Variants in CFAP299 observed in about 807,000 individuals in gnomAD.
CFAP299 encodes the protein cilia and flagella associated protein 299.
In CFAP299, 21 loss-of-function variants were observed where a neutral mutation model predicts 27.0. That is an observed-to-expected ratio of 0.78 (90% CI 0.55 to 1.12). The LOEUF (loss-of-function observed/expected upper bound fraction) is 1.12. CFAP299 is among the 50% of genes most tolerant of loss of function. CFAP299 has a pLI of 0.00. For missense variants in CFAP299, 310 were observed against 276.6 expected (o/e 1.12, Z -0.86); for synonymous variants, 104 against 98.1 (o/e 1.06, Z -0.36).
upstream of CFAP299, among the ~76,000 whole-genome samples, chr4:80,332,096 C>T (rs988296195): frequency 2.0e-5 from 3 of 152,142 alleles, no homozygotes; most frequent in African/African-American, 7.2e-5. Flanking sequence ...GTCACAGGGT[C>T]AAATGCTGCT....
intron 3 of CFAP299, among the ~76,000 whole-genome samples, chr4:80,862,562 C>T (rs1192777221): frequency 2.0e-5 from 3 of 152,090 alleles, no homozygotes; most frequent in Non-Finnish European, 4.4e-5. Flanking sequence ...AAAGTGGCTG[C>T]AATTATCCAC....
chr4:80,850,720 T>A (rs971281129), intron 3 of CFAP299, among the ~76,000 whole-genome samples: 3 of 152,026 alleles, frequency 2.0e-5, no homozygotes, highest in African/African-American at 4.8e-5. Context: ...TATGCTGATT[T>A]CCATTTTAGA....
chr4:80,884,240 G>T (rs151299867), intron 4 of CFAP299, among the ~76,000 whole-genome samples: 282 of 152,254 alleles, frequency 1.9e-3, no homozygotes, highest in African/African-American at 6.4e-3. Context: ...AAGTGCACAA[G>T]AAATATTCTT....
At chr4:80,820,451 T>C (rs566386241) in intron 3 of CFAP299, among the ~76,000 whole-genome samples, 2 of 152,038 alleles carry the variant, frequency 1.3e-5, no homozygotes, top group South Asian at 4.2e-4. Context: ...AATATGCAAC[T>C]ACAATTTGTA....
At chr4:80,576,243 T>C (rs2109861751) in intron 2 of CFAP299, among the ~76,000 whole-genome samples, 1 of 150,216 alleles carries the variant, frequency 6.7e-6, no homozygotes, top group East Asian at 1.9e-4. Context: ...GTTTCTTCAT[T>C]GACCCACTGG....
intron 3 of CFAP299, among the ~76,000 whole-genome samples, chr4:80,645,888 A>C (rs1739985272): frequency 6.6e-6 from 1 of 152,198 alleles, no homozygotes; most frequent in Non-Finnish European, 1.5e-5. Flanking sequence ...GGGAAAAGTG[A>C]TTGGTAGAAG....
chr4:80,958,687 A>G (rs187291527), intron 5 of CFAP299, among the ~76,000 whole-genome samples: 4 of 152,314 alleles, frequency 2.6e-5, no homozygotes, highest in African/African-American at 9.6e-5. Flanking sequence ...TCTTATTACA[A>G]TTTTAATTCC....
At position 80,783,152 on chromosome 4, in the gene CFAP299, ATC is replaced by A. The variant is rs369002009; in HGVS notation, c.334-86837_334-86836del. 3.8e-3 allele frequency among the ~76,000 whole-genome samples: 583 copies of A among 152,228 alleles called. 1 individual carries two copies. Among genetic ancestry groups the A allele is most frequent in the Middle Eastern group, 0.01 (3 of 294 alleles). On this transcript the variant is annotated intron_variant, in intron 3 of 5. Transcript: ENST00000358105. ...GCTAAAATGTTATTTAAGGCAGCAA[ATC>A]TCTGAAGGCTTGACTGAGACTCTAG...
intron 3 of CFAP299, among the ~76,000 whole-genome samples, chr4:80,857,766 A>G (rs1343828989): frequency 3.9e-5 from 6 of 152,200 alleles, no homozygotes; most frequent in Admixed American, 3.3e-4. Context: ...CCACTTGATC[A>G]TGGTGGATAA....
chr4:80,620,184 G>A (rs1302308214), intron 3 of CFAP299, among the ~76,000 whole-genome samples: 1 of 152,142 alleles, frequency 6.6e-6, no homozygotes, highest in Non-Finnish European at 1.5e-5. Context: ...ATACCTGCAT[G>A]CAGAGCACAG....
At chr4:80,544,585 C>G (rs1219968672) in intron 2 of CFAP299, among the ~76,000 whole-genome samples, 1 of 152,106 alleles carries the variant, frequency 6.6e-6, no homozygotes, top group Non-Finnish European at 1.5e-5. Flanking sequence ...TCAGATAAAA[C>G]AGAATTTAAA....
chr4:80,833,033 CTG>C (rs1560434857), intron 3 of CFAP299, among the ~76,000 whole-genome samples: 1 of 151,924 alleles, frequency 6.6e-6, no homozygotes, highest in African/African-American at 2.4e-5. Flanking sequence ...ATATTAATAA[CTG>C]AAAGTATTAC....
chr4:80,821,596 C>T (rs933580367), intron 3 of CFAP299, among the ~76,000 whole-genome samples: 1 of 152,150 alleles, frequency 6.6e-6, no homozygotes, highest in African/African-American at 2.4e-5. Context: ...CCAAGTCAAA[C>T]AAGTAGCAAT....
intron 2 of CFAP299, among the ~76,000 whole-genome samples, chr4:80,566,950 T>C (rs889600131): frequency 6.6e-6 from 1 of 151,884 alleles, no homozygotes; most frequent in African/African-American, 2.4e-5. Flanking sequence ...TTGCCAGATG[T>C]ACAAAAATGA....
chr4:80,494,728 G>T (rs1267976379), intron 2 of CFAP299, among the ~76,000 whole-genome samples: 1 of 151,650 alleles, frequency 6.6e-6, no homozygotes, highest in Non-Finnish European at 1.5e-5. Flanking sequence ...TTTATGTTGA[G>T]TAGTAAATGT....
intron 2 of CFAP299, among the ~76,000 whole-genome samples, chr4:80,427,430 C>T (rs1021881591): frequency 1.3e-5 from 2 of 151,884 alleles, no homozygotes; most frequent in African/African-American, 4.8e-5. Context: ...CTTTTCTTAC[C>T]TTTTAAAAGT....
At chr4:80,513,109 T>C (rs1245194886) in intron 2 of CFAP299, among the ~76,000 whole-genome samples, 2 of 152,190 alleles carry the variant, frequency 1.3e-5, no homozygotes, top group African/African-American at 2.4e-5. Context: ...TGCCTGTGGC[T>C]TAGATAGCCC....
rs66497721 is a variant in CFAP299, at chr4:80,895,170, CCACACA to C, written c.476+25059_476+25064del. Among the ~76,000 whole-genome samples, 17 of 132,652 alleles carry C rather than the reference CCACACA, an allele frequency of 1.3e-4. No individual in the cohort carries two copies. In the South Asian group the frequency reaches 2.1e-3, roughly 16 times the overall value. The allele number at this position is 132,652 out of a possible 152,430, so 87.0% of individuals were successfully genotyped here. On this transcript the variant is annotated intron_variant, in intron 4 of 5. Transcript: ENST00000358105. ...AGATAATAGCTCTTAAATGTTCTCA[CCACACA>C]CACACACACACACACACACACACTA...
rs554951788 is a variant in CFAP299 at position 80,807,973 on chromosome 4, C to T, written c.334-62020C>T. ...ATGCAGTTGCTACAAACAGAGAAAA[C>T]CAAGAAAATAAACTATCCATATCAT... On this transcript the variant is annotated intron_variant, in intron 3 of 5. Coordinates refer to ENST00000358105, the MANE Select transcript of CFAP299 (RefSeq NM_152770.3). Among the ~76,000 whole-genome samples the T allele has an allele frequency of 4.6e-5, 7 of 151,208 alleles. No individual in the cohort carries two copies. In the South Asian group the frequency reaches 6.3e-4, roughly 14 times the overall value.
Sources: gnomAD v4.1 joint callset for allele counts (sites outside exome capture counted in the v4.1 genomes callset) on GRCh38, gnomAD v4.1.1 for gene constraint, MANE v1.5 for transcripts, NCBI Gene and HGNC (gene_info 2026-07-23, HGNC 2026-07-21) for gene names.